Variants in CCDC183 observed in about 807,000 individuals in gnomAD.
CCDC183 encodes the protein coiled-coil domain containing 183, also known as coiled-coil domain-containing protein 183.
CCDC183 carries 63 observed loss-of-function variants against 65.2 expected under a neutral mutation model. That is an observed-to-expected ratio of 0.97 (90% CI 0.79 to 1.19). The LOEUF (loss-of-function observed/expected upper bound fraction) is 1.19. Among genes scored for constraint, CCDC183 ranks in the 50% most tolerant of loss-of-function variants. The probability of loss-of-function intolerance (pLI) is 0.00; values close to 1 mark genes in which losing one functional copy is unlikely to be tolerated. For synonymous variants in CCDC183, 323 were observed against 276.5 expected (o/e 1.17, Z -1.67); for missense variants, 769 against 689.3 (o/e 1.12, Z -1.30).
chr9:136,800,459 T>G lies in CCDC183; in HGVS notation c.509T>G (p.Leu170Arg). Residue 170 changes from leucine (L) to arginine (R), a missense_variant, in exon 5 of 14, where the codon CTG becomes CGG. Physicochemically the swap from Leu to Arg is moderately radical, Grantham distance 102. Coordinates refer to ENST00000338005, the MANE Select transcript of CCDC183 (RefSeq NM_001039374.5). ...IKIITSQNIHLLYLDLLDYLK... is the reference protein window; with the variant it reads ...IKIITSQNIHRLYLDLLDYLK... ...ATCATCACCAGCCAGAACATCCACC[T>G]GCTGTATTTGGACCTGCTGGATTAT... 2 of 1,612,078 alleles carry G rather than the reference T, an allele frequency of 1.2e-6. No homozygotes were observed. Among genetic ancestry groups the G allele is most frequent in the Non-Finnish European group, 1.7e-6 (2 of 1,179,090 alleles).
rs368449403 is a variant in CCDC183, at chr9:136,802,774, G to A, written c.654G>A (p.Thr218=). 68 of 1,611,228 alleles carry A rather than the reference G, an allele frequency of 4.2e-5. No individual in the cohort carries two copies. In the African/African-American group the frequency reaches 4.5e-4, roughly 11 times the overall value. ...TGTCCCAAGATGCCATGATGATCAC[G>A]GATGAGGTCAAGGTGAGCTCAGGGC... ...KIMSQDAMMI[T]DEVKRNMRQR... is the part of the protein sequence containing the mutation. The change falls in exon 6 of 14, where the codon ACG becomes ACA. Residue 218 remains threonine (T), a synonymous_variant. Coordinates refer to ENST00000338005, the MANE Select transcript of CCDC183 (RefSeq NM_001039374.5).
At chr9:136,799,963 C>T (rs1401567979) in intron 3 of CCDC183, 39 bp from the exon 4 acceptor site, 1 of 1,559,976 alleles carries the variant, frequency 6.4e-7, no homozygotes, top group South Asian at 1.2e-5. Flanking sequence ...TGGCGGCCCC[C>T]TACGCAACCA....
Position 136,804,643 on chromosome 9 carries a change from G to T in CCDC183, c.792+16G>T. 3 of 1,613,432 alleles carry T rather than the reference G, an allele frequency of 1.9e-6. No individual in the cohort carries two copies. Among genetic ancestry groups the T allele is most frequent in the Non-Finnish European group, 2.5e-6 (3 of 1,179,742 alleles). On this transcript the variant is annotated intron_variant, in intron 7 of 13. Transcript: ENST00000338005. This position sits in a 1 kb window ranked among gnomAD's most constrained non-coding sequence, Gnocchi z 4.1. ...GTACCGCCGGGTAAGCCCCAGGCCA[G>T]GGCCTGGCTGGCTGCCCATCCCCAT...
intron 6 of CCDC183, 32 bp downstream of exon 6, chr9:136,802,818 C>G (rs1477212068): frequency 1.4e-6 from 2 of 1,479,654 alleles, no homozygotes; most frequent in African/African-American, 2.9e-5. Context: ...GGGGGCCCCC[C>G]AGGGCCAGCC....
chr9:136,800,106 G>A lies in CCDC183; in HGVS notation c.375G>A (p.Gln125=). 5 of 1,554,740 alleles carry A rather than the reference G, an allele frequency of 3.2e-6. No homozygotes were observed. The highest frequency in any genetic ancestry group is 4.3e-6 in the Non-Finnish European group (5 of 1,152,184). Residue 125 remains glutamine (Q), a synonymous_variant, in exon 4 of 14, where the codon CAG becomes CAA. Coordinates refer to ENST00000338005, the MANE Select transcript of CCDC183 (RefSeq NM_001039374.5). Reference sequence around the variant, plus strand: ...GCGGGCAGAAGCTGGAGAGCATGCAGCTGGAGCTGGACAGCCTGCGGAGCC... The same window carrying A: ...GCGGGCAGAAGCTGGAGAGCATGCAACTGGAGCTGGACAGCCTGCGGAGCC... ...RRRGQKLESM[Q]LELDSLRSQP... is the part of the protein sequence containing the mutation.
Position 136,799,766 on chromosome 9 carries a change from GGC to G in CCDC183, c.249_250del (p.His84LeufsTer105). 1 of 1,613,132 alleles carries G rather than the reference GGC, an allele frequency of 6.2e-7. No homozygotes were observed. The highest frequency in any genetic ancestry group is 8.5e-7 in the Non-Finnish European group (1 of 1,179,906). ...ACGKNLPLRL[A>X]HCRSTMEVVR... ...GCGGGAAAAACTTGCCTTTGCGACT[GGC>G]GCACTGCCGCAGCACCATGGAGGTA... is the stretch of plus-strand genomic sequence containing the variant. On this transcript the variant is annotated frameshift_variant, in exon 3 of 14. Coordinates refer to ENST00000338005, the MANE Select transcript of CCDC183 (RefSeq NM_001039374.5). LOFTEE classifies it high-confidence loss of function.
intron 5 of CCDC183, among the ~76,000 whole-genome samples, chr9:136,800,968 C>G (rs1453041870): frequency 6.6e-6 from 1 of 152,224 alleles, no homozygotes; most frequent in Non-Finnish European, 1.5e-5. Flanking sequence ...GAGCACCGCC[C>G]CTCGGGCTGC....
intron 5 of CCDC183, 103 bp downstream of exon 5, chr9:136,800,596 G>A (rs569114326): frequency 4.9e-6 from 4 of 817,790 alleles, no homozygotes; most frequent in East Asian, 5.4e-5. Flanking sequence ...GGGAGAGGGA[G>A]CTCTGCCTGA....
At chr9:136,800,516 G>T in intron 5 of CCDC183, 23 bp downstream of exon 5, 1 of 1,561,522 alleles carries the variant, frequency 6.4e-7, no homozygotes, top group South Asian at 1.1e-5. Context: ...GCCCGGGAAG[G>T]GCGGGGGTCA....
chr9:136,805,517 G>A, intron 9 of CCDC183, 60 bp downstream of exon 9: 1 of 1,464,458 alleles, frequency 6.8e-7, no homozygotes, highest in Non-Finnish European at 9.5e-7. Context: ...TCACGTCTGG[G>A]TAATGCTCCC....
intron 5 of CCDC183, among the ~76,000 whole-genome samples, chr9:136,801,149 G>C (rs1847731421): frequency 6.6e-6 from 1 of 152,198 alleles, no homozygotes; most frequent in Non-Finnish European, 1.5e-5. Context: ...GCATGGAAGT[G>C]CAGTTTAGGA....
At chr9:136,799,074 C>T (rs202242588) in intron 1 of CCDC183, 28 bp from the exon 2 acceptor site, 219 of 1,611,690 alleles carry the variant, frequency 1.4e-4, no homozygotes, top group Non-Finnish European at 1.6e-4. Flanking sequence ...CCAATCCTAG[C>T]CACTGTGTCC....
At chr9:136,805,596 A>G (rs781010319) in intron 9 of CCDC183, 139 bp downstream of exon 9, 3 of 687,342 alleles carry the variant, frequency 4.4e-6, no homozygotes, top group Non-Finnish European at 7.4e-6. Context: ...TGAAATGGAC[A>G]CACAAAGTGG....
rs143427692 is a variant in CCDC183 at position 136,805,472 on chromosome 9, G to A, written c.948+15G>A. ...CTCACGTCTGGGTAATGCCCCTGGC[G>A]CTCCCAGAGAATGGCAGGAGGGTGG... On this transcript the variant is annotated intron_variant, in intron 9 of 13. Coordinates refer to ENST00000338005, the MANE Select transcript of CCDC183 (RefSeq NM_001039374.5). 2.7e-4 allele frequency: 434 copies of A among 1,607,334 alleles called. 1 individual carries two copies. In the African/African-American group the frequency reaches 5.1e-3, roughly 19 times the overall value.
chr9:136,805,967 A>C, intron 9 of CCDC183, 111 bp from the exon 10 acceptor site: 5 of 839,782 alleles, frequency 6.0e-6, no homozygotes, highest in East Asian at 2.7e-5. Flanking sequence ...GAATGAGCAC[A>C]GAGAAAGTGC....
rs372284893 is a variant in CCDC183 at position 136,806,882 on chromosome 9, G to A, written c.1389+15G>A. 1.4e-5 allele frequency: 23 copies of A among 1,613,346 alleles called. No individual in the cohort carries two copies. The highest frequency in any genetic ancestry group is 1.9e-5 in the Non-Finnish European group (22 of 1,179,986). On this transcript the variant is annotated intron_variant, in intron 12 of 13. Coordinates refer to ENST00000338005, the MANE Select transcript of CCDC183 (RefSeq NM_001039374.5). ...GGACCGAGGAGGTAGCCCCGGGCTG[G>A]GAGGAACCTGCACAGCCCACGTCCC...
intron 2 of CCDC183, 80 bp downstream of exon 2, chr9:136,799,303 TC>T (rs1235789768): frequency 6.7e-7 from 1 of 1,499,224 alleles, no homozygotes; most frequent in Non-Finnish European, 8.9e-7. Context: ...GGCGGGCACC[TC>T]CTCTCCACCC....
In CCDC183 at chr9:136,796,470, G is replaced by A. The variant is rs1288416970; in HGVS notation, c.70+3G>A. On this transcript the variant is annotated splice_donor_region_variant and intron_variant, in intron 1 of 13. Coordinates refer to ENST00000338005, the MANE Select transcript of CCDC183 (RefSeq NM_001039374.5). Reference sequence around the variant, plus strand: ...GAAGACCATCACTCAGCTCCAGGGTGAGCCTGCACCGCCGTGACCAGTCTC... The same window carrying A: ...GAAGACCATCACTCAGCTCCAGGGTAAGCCTGCACCGCCGTGACCAGTCTC... The A allele has an allele frequency of 6.4e-7, 1 of 1,559,264 alleles. No homozygotes were observed. The highest frequency in any genetic ancestry group is 8.7e-7 in the Non-Finnish European group (1 of 1,149,900).
intron 1 of CCDC183, among the ~76,000 whole-genome samples, chr9:136,797,841 G>T (rs960093565): frequency 1.3e-5 from 2 of 151,958 alleles, no homozygotes; most frequent in Non-Finnish European, 2.9e-5. Context: ...TTTGTTTGGA[G>T]ACAGAGTCTC....
Sources: allele counts gnomAD v4.1 joint callset (sites outside exome capture counted in the v4.1 genomes callset), GRCh38; gene constraint gnomAD v4.1.1; non-coding constraint Gnocchi (gnomAD v3.1); transcripts MANE v1.5; gene names NCBI Gene and HGNC (gene_info 2026-07-23, HGNC 2026-07-21).